The following MIA2 variants were observed in gnomAD, a reference collection of about 807,000 sequenced individuals.
The protein encoded by MIA2 is MIA SH3 domain ER export factor 2.
Under a neutral mutation model 167.8 loss-of-function variants are expected in MIA2, and 127 were observed. That is an observed-to-expected ratio of 0.76 (90% CI 0.66 to 0.88). The LOEUF (loss-of-function observed/expected upper bound fraction) is 0.88. Ranked by LOEUF, MIA2 falls within the 40% of genes least tolerant of loss-of-function variation. MIA2 has a pLI of 0.00. For missense variants in MIA2, 1,690 were observed against 1,624.7 expected (o/e 1.04, Z -0.69); for synonymous variants, 552 against 541.9 (o/e 1.02, Z -0.26).
intron 9 of MIA2, among the ~76,000 whole-genome samples, chr14:39,287,293 T>C (rs2059953628): frequency 6.6e-6 from 1 of 152,024 alleles, no homozygotes; most frequent in African/African-American, 2.4e-5. Flanking sequence ...CCCAAGCTGG[T>C]CTCGAACTTG....
intron 6 of MIA2, among the ~76,000 whole-genome samples, chr14:39,257,346 T>A (rs1388333976): frequency 1.3e-5 from 2 of 152,144 alleles, no homozygotes; most frequent in African/African-American, 4.8e-5. Flanking sequence ...GTAATGCCCT[T>A]TTCTTTTTTT....
At chr14:39,347,067 A>G (rs2073432104) in intron 26 of MIA2, among the ~76,000 whole-genome samples, 1 of 152,124 alleles carries the variant, frequency 6.6e-6, no homozygotes, top group Admixed American at 6.6e-5. Context: ...GTCAAGCACA[A>G]GTGAAAAATG....
chr14:39,236,866 A>G (rs2152596864), intron 1 of MIA2, 56 bp from the exon 2 acceptor site: 1 of 1,478,740 alleles, frequency 6.8e-7, no homozygotes, highest in South Asian at 1.2e-5. Context: ...AGATGAAAGG[A>G]GGAGAAATAT....
chr14:39,339,508 A>G (rs1372541327), intron 25 of MIA2, among the ~76,000 whole-genome samples: 2 of 152,296 alleles, frequency 1.3e-5, no homozygotes, highest in African/African-American at 4.8e-5. Context: ...TTTAGGATCT[A>G]TGTGCTATAG....
At chr14:39,365,897 G>A (rs1567053232) in intron 23 of MIA2, among the ~76,000 whole-genome samples, 1 of 151,846 alleles carries the variant, frequency 6.6e-6, no homozygotes, top group East Asian at 1.9e-4. Context: ...TCTTTTTTAT[G>A]TTTTTTGTCT....
intron 23 of MIA2, chr14:39,386,671 C>A: frequency 9.0e-7 from 1 of 1,109,172 alleles, no homozygotes; most frequent in Non-Finnish European, 1.4e-6. Context: ...AGATCAAAGA[C>A]CTTCTCATTA....
At chr14:39,382,210 C>T (rs1013217863) in intron 23 of MIA2, among the ~76,000 whole-genome samples, 6 of 152,134 alleles carry the variant, frequency 3.9e-5, no homozygotes, top group African/African-American at 1.4e-4. Context: ...AACCTTAGAT[C>T]TCAATCAAAT....
At chr14:39,306,846 C>T (rs186033194) in intron 17 of MIA2, among the ~76,000 whole-genome samples, 1 of 151,962 alleles carries the variant, frequency 6.6e-6, no homozygotes, top group Non-Finnish European at 1.5e-5. Flanking sequence ...TAGAGTTGTT[C>T]AGAGTTGGTA....
intron 6 of MIA2, among the ~76,000 whole-genome samples, chr14:39,256,329 G>C (rs1869455478): frequency 1.3e-5 from 2 of 152,078 alleles, no homozygotes; most frequent in African/African-American, 4.8e-5. Context: ...AATTTGAATA[G>C]CTGTAGTAAA....
Position 39,247,974 on chromosome 14 carries a change from C to T in MIA2, c.1400C>T (p.Pro467Leu). The T allele has an allele frequency of 6.3e-7, 1 of 1,595,592 alleles. No individual in the cohort carries two copies. Among genetic ancestry groups the T allele is most frequent in the Non-Finnish European group, 8.5e-7 (1 of 1,175,626 alleles). ...LKKFLYNFDN[P>L]WNFQNIPKET... Reference sequence around the variant, plus strand: ...AAGTTCTTGTATAATTTTGACAACCCTTGGAACTTCCAGAACATTCCAAAG... The same window carrying T: ...AAGTTCTTGTATAATTTTGACAACCTTTGGAACTTCCAGAACATTCCAAAG... Residue 467 changes from proline (P) to leucine (L), a missense_variant, in exon 4 of 29, where the codon CCT becomes CTT. Physicochemically the swap from Pro to Leu is moderately conservative, Grantham distance 98. Transcript: ENST00000640607.
chr14:39,300,052 A>C, intron 14 of MIA2, 66 bp downstream of exon 14: 1 of 1,548,744 alleles, frequency 6.5e-7, no homozygotes, highest in Non-Finnish European at 8.7e-7. Context: ...TGAAATTTGA[A>C]AGCTAGTTTT....
chr14:39,273,164 A>G (rs1208969443), intron 6 of MIA2, among the ~76,000 whole-genome samples: 4 of 151,038 alleles, frequency 2.6e-5, no homozygotes, highest in East Asian at 3.9e-4. Flanking sequence ...TGCTCTGGCT[A>G]GAACCTCCAT....
intron 9 of MIA2, among the ~76,000 whole-genome samples, chr14:39,288,696 T>TCAA (rs2060299910): frequency 6.6e-6 from 1 of 150,752 alleles, no homozygotes; most frequent in African/African-American, 2.4e-5. Flanking sequence ...CTCCTGACCC[T>TCAA]GTGATCTGTC....
Position 39,267,328 on chromosome 14 carries a change from C to T in MIA2, c.1888-9606C>T, listed in dbSNP as rs1008101279. 9 of 1,529,644 alleles carry T rather than the reference C, an allele frequency of 5.9e-6. No homozygotes were observed. In the African/African-American group the frequency reaches 8.4e-5, roughly 14 times the overall value. 94.8% of individuals were successfully genotyped at this position (1,529,644 alleles called of 1,614,324 possible). A position where few individuals can be genotyped will look rare whatever the true frequency, so the allele number is the denominator to read the frequency against. ...GTCCCCCAGCTCCCCCCGCAGCCGG[C>T]TCCGCAGTGGTCCACTCCGGTTGCC... On this transcript the variant is annotated intron_variant, in intron 6 of 28. Transcript: ENST00000640607.
downstream of MIA2, among the ~76,000 whole-genome samples, chr14:39,356,214 A>G (rs1326718839): frequency 6.6e-6 from 1 of 152,142 alleles, no homozygotes; most frequent in Non-Finnish European, 1.5e-5. Context: ...GCTATTAATT[A>G]TTGCCTCAGT....
At chr14:39,306,375 G>A (rs2063341788) in intron 17 of MIA2, among the ~76,000 whole-genome samples, 1 of 152,288 alleles carries the variant, frequency 6.6e-6, no homozygotes, top group East Asian at 1.9e-4. Context: ...AACAGTCATG[G>A]TGGAAGGTGA....
rs752272838 is a variant in MIA2 at position 39,315,704 on chromosome 14, G to A, written c.3202G>A (p.Ala1068Thr). ...TCAGATTATTTCCCATGAGAAAAAA[G>A]CACATGATAATTGGGTAAGTTTAAA... ...QGQIISHEKK[A>T]HDNWLAARNA... The change falls in exon 21 of 29, where the codon GCA becomes ACA. Residue 1068 changes from alanine to threonine, a missense_variant. Transcript: ENST00000640607. 2 of 1,554,882 alleles carry A rather than the reference G, an allele frequency of 1.3e-6. No individual in the cohort carries two copies. The highest frequency in any genetic ancestry group is 1.8e-5 in the Admixed American group (1 of 54,654).
At position 39,326,872 on chromosome 14, in the gene MIA2, G is replaced by A; in HGVS notation, c.3505G>A (p.Gly1169Ser). ...LPGGGGRGSRGPGNPLDHQIT... is the reference protein window; with the variant it reads ...LPGGGGRGSRSPGNPLDHQIT... ...TTTTTTTCTTTAATTAGGCTCACGA[G>A]GCCCAGGGAATCCTCTGGACCATCA... Residue 1169 changes from glycine (G) to serine (S), a missense_variant, in exon 25 of 29, where the codon GGC (glycine) becomes AGC (serine). By Grantham distance (56) the Gly-to-Ser change is moderately conservative. Transcript: ENST00000640607. 6.4e-7 allele frequency: 1 copy of A among 1,570,288 alleles called. No homozygotes were observed. Among genetic ancestry groups the A allele is most frequent in the African/African-American group, 1.4e-5 (1 of 72,158 alleles).
At chr14:39,329,258 C>G (rs1453630160) in intron 25 of MIA2, among the ~76,000 whole-genome samples, 1 of 151,542 alleles carries the variant, frequency 6.6e-6, no homozygotes, top group Admixed American at 6.6e-5. Flanking sequence ...CATGATTTGG[C>G]TCTCTGTTAT....
Sources: allele counts gnomAD v4.1 joint callset (sites outside exome capture counted in the v4.1 genomes callset), GRCh38; gene constraint gnomAD v4.1.1; transcripts MANE v1.5; gene names NCBI Gene and HGNC (gene_info 2026-07-23, HGNC 2026-07-21).